The following PARP1 variants were observed in gnomAD, a reference collection of about 807,000 sequenced individuals.
PARP1 encodes the protein poly [ADP-ribose] polymerase 1.
In PARP1, 44 loss-of-function variants were observed where a neutral mutation model predicts 118.7. That is an observed-to-expected ratio of 0.37 (90% CI 0.29 to 0.48). The LOEUF is 0.48. PARP1 is among the 20% of genes least tolerant of loss of function. The pLI is 0.99. For missense variants in PARP1, 1,100 were observed against 1,272.4 expected (o/e 0.86, Z 2.06); for synonymous variants, 492 against 483.2 (o/e 1.02, Z -0.24).
rs886411156 is a variant in PARP1, at chr1:226,402,439, T to C, written c.121-60A>G. ...CAGTTAACTTTTGACTTAGACCCAC[T>C]AGACCTTGACCTTGACCTCGACCCC... On this transcript the variant is annotated intron_variant, in intron 1 of 22. Transcript: ENST00000366794. 27 of 1,532,890 alleles carry C rather than the reference T, an allele frequency of 1.8e-5. No individual in the cohort carries two copies. The Admixed American group carries it at 3.2e-4, about 18-fold the overall frequency. The allele number at this position is 1,532,890 out of a possible 1,614,324, so 95.0% of individuals were successfully genotyped here.
At chr1:226,394,858 C>G (rs959116481) in intron 2 of PARP1, among the ~76,000 whole-genome samples, 3 of 152,184 alleles carry the variant, frequency 2.0e-5, no homozygotes, top group African/African-American at 7.2e-5. Flanking sequence ...AGTTACCTAA[C>G]TTCTCTGTGC....
At chr1:226,383,606 C>A (rs778711558) in intron 7 of PARP1, among the ~76,000 whole-genome samples, 6 of 152,138 alleles carry the variant, frequency 3.9e-5, no homozygotes, top group Admixed American at 3.3e-4. Flanking sequence ...ACCCCGAATA[C>A]TATATACACA....
At chr1:226,405,687 C>T (rs999868589) in intron 1 of PARP1, among the ~76,000 whole-genome samples, 8 of 152,180 alleles carry the variant, frequency 5.3e-5, no homozygotes, top group Non-Finnish European at 1.2e-4. Flanking sequence ...TCCTCCACAG[C>T]GGTGTTGTTC....
intron 14 of PARP1, among the ~76,000 whole-genome samples, chr1:226,373,782 G>A (rs1387778042): frequency 2.6e-5 from 4 of 152,190 alleles, no homozygotes; most frequent in Admixed American, 2.0e-4. Context: ...CACAAAGGAA[G>A]CATGGCTAAT....
chr1:226,378,791 C>T (rs1171347802), intron 12 of PARP1, among the ~76,000 whole-genome samples: 2 of 152,128 alleles, frequency 1.3e-5, no homozygotes, highest in African/African-American at 4.8e-5. Flanking sequence ...GCTGTGATTA[C>T]GCCACTGCAC....
rs750742507 is a variant in PARP1 at position 226,363,942 on chromosome 1, CAT to C, written c.2785_2786del (p.Met929ValfsTer2). 10 of 1,613,878 alleles carry C rather than the reference CAT, an allele frequency of 6.2e-6. No homozygotes were observed. Among genetic ancestry groups the C allele is most frequent in the African/African-American group, 2.7e-5 (2 of 75,046 alleles). On this transcript the variant is annotated frameshift_variant and splice_region_variant, in exon 20 of 23. Transcript: ENST00000366794. LOFTEE classifies it high-confidence loss of function. ...TCAGTCCCAGAGCCAGGTTTACTCACATGTTTCCAAGGGCAACTTCTCCCAAC... is the reference window on the plus strand; with the variant it reads ...TCAGTCCCAGAGCCAGGTTTACTCACGTTTCCAAGGGCAACTTCTCCCAAC... The part of the protein sequence containing the change: ...ILLGEVALGN[M>X]YELKHASHIS...
intron 1 of PARP1, among the ~76,000 whole-genome samples, chr1:226,405,944 C>T (rs1665138308): frequency 6.6e-6 from 1 of 151,956 alleles, no homozygotes; most frequent in Admixed American, 6.6e-5. Flanking sequence ...AGTGAGACCC[C>T]ATCTCAAAAA....
chr1:226,392,673 A>G, intron 2 of PARP1: 1 of 538,344 alleles, frequency 1.9e-6, no homozygotes, highest in Non-Finnish European at 3.3e-6. Context: ...ACGTCTCACT[A>G]AGGCTTCTAA....
chr1:226,404,913 T>G (rs1044319235), intron 1 of PARP1, among the ~76,000 whole-genome samples: 3 of 152,088 alleles, frequency 2.0e-5, no homozygotes, highest in Non-Finnish European at 4.4e-5. Context: ...CTGACCTCAC[T>G]GCATGCCTCC....
At chr1:226,386,244 C>A in intron 6 of PARP1, 82 bp downstream of exon 6, 1 of 850,894 alleles carries the variant, frequency 1.2e-6, no homozygotes, top group East Asian at 2.4e-5. Flanking sequence ...CGGAGGGCCT[C>A]CCACACTCCA....
intron 14 of PARP1, among the ~76,000 whole-genome samples, chr1:226,372,127 T>C (rs1432495407): frequency 6.6e-6 from 1 of 152,228 alleles, no homozygotes; most frequent in African/African-American, 2.4e-5. Context: ...CATTCCCTTC[T>C]GGACTCAGGA....
rs1457855448 is a variant in PARP1, at chr1:226,379,838, C to T, written c.1543+84G>A. ...CACTCAACAGGCCATGTCAGGGACACAAAGGGAGAGGTTCCGTGGACAACA... is the reference window on the plus strand; with the variant it reads ...CACTCAACAGGCCATGTCAGGGACATAAAGGGAGAGGTTCCGTGGACAACA... On this transcript the variant is annotated intron_variant, in intron 10 of 22. Transcript: ENST00000366794. 5 of 1,601,920 alleles carry T rather than the reference C, an allele frequency of 3.1e-6. No individual in the cohort carries two copies. In the African/African-American group the frequency reaches 5.4e-5, roughly 17 times the overall value.
At chr1:226,374,396 A>C (rs771907129) in intron 13 of PARP1, 42 bp from the exon 14 acceptor site, 3 of 1,613,254 alleles carry the variant, frequency 1.9e-6, no homozygotes, top group Admixed American at 3.3e-5. Context: ...CAAATCAACA[A>C]CTCAAGCAAG....
intron 2 of PARP1, chr1:226,392,597 G>A (rs1445883769): frequency 7.3e-6 from 4 of 547,448 alleles, no homozygotes; most frequent in South Asian, 2.1e-5. Flanking sequence ...CCTTTCTCTG[G>A]AGGCCCCTCC....
intron 7 of PARP1, among the ~76,000 whole-genome samples, chr1:226,383,576 G>A (rs953922017): frequency 1.3e-5 from 2 of 152,126 alleles, no homozygotes; most frequent in Non-Finnish European, 2.9e-5. Context: ...GGGATCACAT[G>A]CCTACTCCAG....
rs756482261 is a variant in PARP1, at chr1:226,383,167, G to C, written c.1028C>G (p.Ser343Cys). 15 of 1,613,162 alleles carry C rather than the reference G, an allele frequency of 9.3e-6. No homozygotes were observed. The highest frequency in any genetic ancestry group is 1.1e-5 in the Non-Finnish European group (13 of 1,179,540). Residue 343 changes from serine (S) to cysteine (C), a missense_variant, in exon 8 of 23, where the codon TCT becomes TGT. This residue lies in a region of PARP1 where 948 missense variants were observed against 1,031.8 expected (regional missense o/e 0.92). Transcript: ENST00000366794. ...WVTPKEFREI[S>C]YLKKLKVKKQ... The stretch of plus-strand genomic sequence containing the variant: ...TTTAACCTTCAATTTCTTGAGGTAA[G>C]AGATTTCTCGGAATTCCTAAAAAAT...
At chr1:226,404,039 G>T (rs955168179) in intron 1 of PARP1, among the ~76,000 whole-genome samples, 20 of 152,206 alleles carry the variant, frequency 1.3e-4, no homozygotes, top group African/African-American at 4.8e-4. Context: ...GCTTTCCCCT[G>T]GGTCTGGAAT....
rs761120517 is a variant in PARP1, at chr1:226,367,465, G to A, written c.2406+15C>T. ...TGAGAGGTTAAGATGCTTGAGGAAGGCCTGACCCTGTTACCTTAATGTCAG... is the reference window on the plus strand; with the variant it reads ...TGAGAGGTTAAGATGCTTGAGGAAGACCTGACCCTGTTACCTTAATGTCAG... On this transcript the variant is annotated intron_variant, in intron 17 of 22. Coordinates refer to ENST00000366794, the MANE Select transcript of PARP1 (RefSeq NM_001618.4). 11 of 1,613,032 alleles carry A rather than the reference G, an allele frequency of 6.8e-6. No individual in the cohort carries two copies. The East Asian group carries it at 2.5e-4, about 36-fold the overall frequency.
intron 7 of PARP1, among the ~76,000 whole-genome samples, chr1:226,383,769 T>C (rs548929254): frequency 6.6e-6 from 1 of 152,308 alleles, no homozygotes; most frequent in South Asian, 2.1e-4. Context: ...GGGGCCTTGC[T>C]CTAAATGGTC....
Sources: gnomAD v4.1 joint callset for allele counts (sites outside exome capture counted in the v4.1 genomes callset) on GRCh38, gnomAD v4.1.1 for gene constraint, gnomAD v4.1.1 regional missense constraint, MANE v1.5 for transcripts, NCBI Gene and HGNC (gene_info 2026-07-23, HGNC 2026-07-21) for gene names.